Variants in RIPOR3 observed in about 807,000 individuals in gnomAD.
The protein encoded by RIPOR3 is family with sequence similarity 65 member C.
RIPOR3 carries 95 observed loss-of-function variants against 114.3 expected under a neutral mutation model. The ratio of observed to expected loss-of-function variants is 0.83; its 90% CI spans 0.70 to 0.99. The LOEUF is 0.99. RIPOR3 is among the 50% of genes least tolerant of loss of function. The probability of loss-of-function intolerance (pLI) is 0.00; values close to 1 mark genes in which losing one functional copy is unlikely to be tolerated. For synonymous variants in RIPOR3, 575 were observed against 543.8 expected (o/e 1.06, Z -0.80); for missense variants, 1,252 against 1,266.9 (o/e 0.99, Z 0.18).
At chr20:50,688,389 A>C (rs1216428545) in intron 1 of RIPOR3, among the ~76,000 whole-genome samples, 2 of 152,230 alleles carry the variant, frequency 1.3e-5, no homozygotes, top group African/African-American at 4.8e-5. Flanking sequence ...TCTTGGGCTC[A>C]AATGATCCTC....
intron 6 of RIPOR3, among the ~76,000 whole-genome samples, chr20:50,609,979 T>TGCCTC (rs1320723818): frequency 3.0e-4 from 30 of 99,540 alleles, no homozygotes; most frequent in African/African-American, 8.7e-4. Context: ...CTGCCACCCC[T>TGCCTC]ACCACCCCTG....
chr20:50,670,433 C>A (rs2086433782), intron 1 of RIPOR3, among the ~76,000 whole-genome samples: 1 of 130,202 alleles, frequency 7.7e-6, no homozygotes, highest in South Asian at 2.4e-4. Context: ...AATTTGAGAC[C>A]AAGCATTACC....
chr20:50,627,257 C>G (rs2084653200), intron 2 of RIPOR3, among the ~76,000 whole-genome samples: 1 of 150,634 alleles, frequency 6.6e-6, no homozygotes, highest in African/African-American at 2.4e-5. Flanking sequence ...TCCCAGCATT[C>G]TGGGAGGCCG....
intron 1 of RIPOR3, among the ~76,000 whole-genome samples, chr20:50,640,069 A>G (rs4809812): frequency 0.19 from 26,625 of 141,664 alleles, 608 homozygotes; most frequent in African/African-American, 0.34. Flanking sequence ...AGTAGTATTG[A>G]AGACACTATG....
At chr20:50,638,531 TGCCAGGGGTCA>T (rs985233106) in intron 1 of RIPOR3, among the ~76,000 whole-genome samples, 7 of 152,282 alleles carry the variant, frequency 4.6e-5, no homozygotes, top group African/African-American at 1.7e-4. Context: ...CCACCAGCCA[TGCCAGGGGTCA>T]GCCAGGGGTC....
intron 11 of RIPOR3, among the ~76,000 whole-genome samples, chr20:50,607,021 C>T (rs568182297): frequency 1.7e-4 from 26 of 152,338 alleles, no homozygotes; most frequent in African/African-American, 4.8e-4. Context: ...TGAGCCACCG[C>T]GCCCAACCTG....
In RIPOR3 at chr20:50,651,186, G is replaced by T. The variant is rs183270473; in HGVS notation, c.4-20330C>A. ...ATTGCAGGCTTTGGAGGTGAAGGTG[G>T]CCAATACAGGAGGCCTCTAGAAGCT... On this transcript the variant is annotated intron_variant, in intron 1 of 21. Coordinates refer to ENST00000327979, the MANE Select transcript of RIPOR3 (RefSeq NM_001290268.2). Among the ~76,000 whole-genome samples, 5 of 152,126 alleles carry T rather than the reference G, an allele frequency of 3.3e-5. No homozygotes were observed. The East Asian group carries it at 9.7e-4, about 29-fold the overall frequency.
In RIPOR3 at chr20:50,616,095, A is replaced by G. The variant is rs377266016; in HGVS notation, c.270-15T>C. ...ACAGATACTCCCTGCAAGGAAAGCA[A>G]GGAAGAGTTTCAAATGGAAGAGGAA... On this transcript the variant is annotated splice_polypyrimidine_tract_variant and intron_variant, in intron 3 of 21. Transcript: ENST00000327979. 22 of 1,608,636 alleles carry G rather than the reference A, an allele frequency of 1.4e-5. No homozygotes were observed. The highest frequency in any genetic ancestry group is 1.9e-5 in the Non-Finnish European group (22 of 1,177,578).
chr20:50,679,590 T>C (rs371640157), intron 1 of RIPOR3, among the ~76,000 whole-genome samples: 78 of 80,960 alleles, frequency 9.6e-4, no homozygotes, highest in African/African-American at 3.1e-3. Context: ...ACCCTGTCTC[T>C]ACTAAAAATA....
chr20:50,665,330 C>A (rs2086148395), intron 1 of RIPOR3, among the ~76,000 whole-genome samples: 1 of 150,900 alleles, frequency 6.6e-6, no homozygotes, highest in South Asian at 2.1e-4. Flanking sequence ...GACTGTGGTC[C>A]CAGCTACTCA....
At chr20:50,605,867 G>T (rs1360833426) in intron 11 of RIPOR3, among the ~76,000 whole-genome samples, 1 of 152,036 alleles carries the variant, frequency 6.6e-6, no homozygotes, top group African/African-American at 2.4e-5. Flanking sequence ...GGTCACAGGT[G>T]CAGCCTAGGA....
intron 3 of RIPOR3, among the ~76,000 whole-genome samples, chr20:50,617,077 G>A (rs909920034): frequency 3.9e-5 from 6 of 152,174 alleles, no homozygotes; most frequent in African/African-American, 1.4e-4. Flanking sequence ...GGGAGGCAGA[G>A]GTTGCAGTGA....
chr20:50,615,999 C>T lies in RIPOR3; in HGVS notation c.348+3G>A, dbSNP rs2084158642. On this transcript the variant is annotated splice_donor_region_variant and intron_variant, in intron 4 of 21. Transcript: ENST00000327979. ...GTGGGAAGCAGGCAGGGAGGGGTCT[C>T]ACCAGCCTGGAATTCCTCCTGGTGT... The T allele has an allele frequency of 6.2e-7, 1 of 1,605,278 alleles. No individual in the cohort carries two copies. The highest frequency in any genetic ancestry group is 8.5e-7 in the Non-Finnish European group (1 of 1,175,948).
At chr20:50,663,426 G>T (rs111453929) in intron 1 of RIPOR3, among the ~76,000 whole-genome samples, 1 of 152,176 alleles carries the variant, frequency 6.6e-6, no homozygotes, top group South Asian at 2.1e-4. Context: ...CAGGCAGTGC[G>T]ACTCCACCTC....
chr20:50,647,078 C>T (rs530662658), intron 1 of RIPOR3, among the ~76,000 whole-genome samples: 38 of 152,206 alleles, frequency 2.5e-4, no homozygotes, highest in African/African-American at 7.2e-4. Context: ...TCCGCACTTT[C>T]GGAGGCCGAG....
At chr20:50,669,041 C>T (rs185766666) in intron 1 of RIPOR3, among the ~76,000 whole-genome samples, 72 of 152,216 alleles carry the variant, frequency 4.7e-4, no homozygotes, top group South Asian at 4.2e-3. Context: ...TGCACACACA[C>T]GCATGCACAT....
At position 50,602,659 on chromosome 20, in the gene RIPOR3, C is replaced by A; in HGVS notation, c.1087-15G>T. On this transcript the variant is annotated splice_polypyrimidine_tract_variant and intron_variant, in intron 12 of 21. Coordinates refer to ENST00000327979, the MANE Select transcript of RIPOR3 (RefSeq NM_001290268.2). This position sits in a 1 kb window ranked among gnomAD's most constrained non-coding sequence, Gnocchi z 4.3. ...TGTAGGACAGACTGGAGAGGGGACA[C>A]GGGAGCGGCCTCACCAGCCACCCCA... The A allele has an allele frequency of 1.4e-6, 2 of 1,432,262 alleles. No individual in the cohort carries two copies. The highest frequency in any genetic ancestry group is 1.7e-5 in the South Asian group (1 of 58,208). 88.7% of individuals were successfully genotyped at this position (1,432,262 alleles called of 1,614,324 possible). A position where few individuals can be genotyped will look rare whatever the true frequency, so the allele number is the denominator to read the frequency against.
chr20:50,596,450 T>C (rs1465231471), intron 14 of RIPOR3, among the ~76,000 whole-genome samples, 187 bp from the exon 15 acceptor site: 1 of 152,096 alleles, frequency 6.6e-6, no homozygotes, highest in Non-Finnish European at 1.5e-5. Flanking sequence ...CTGGGAGGTG[T>C]GGCCAAGGGC....
intron 1 of RIPOR3, among the ~76,000 whole-genome samples, chr20:50,679,135 A>AAAATAAATATAT (rs2086773516): frequency 4.8e-5 from 1 of 20,776 alleles, no homozygotes; most frequent in Non-Finnish European, 9.5e-5. Flanking sequence ...AAAAAAAAAA[A>AAAATAAATATAT]ATATATATAT....
Sources: allele counts gnomAD v4.1 joint callset (sites outside exome capture counted in the v4.1 genomes callset), GRCh38; gene constraint gnomAD v4.1.1; non-coding constraint Gnocchi (gnomAD v3.1); transcripts MANE v1.5; gene names NCBI Gene and HGNC (gene_info 2026-07-23, HGNC 2026-07-21).